The following ATP10D variants were observed in gnomAD, a reference collection of about 807,000 sequenced individuals.
The protein encoded by ATP10D is phospholipid-transporting ATPase VD.
In ATP10D, 89 loss-of-function variants were observed where a neutral mutation model predicts 144.8. The observed-to-expected ratio is 0.61, with a 90% CI of 0.52 to 0.73. ATP10D has a LOEUF of 0.73. Ranked by LOEUF, ATP10D falls within the 30% of genes least tolerant of loss-of-function variation. The pLI, the probability that ATP10D is intolerant of heterozygous loss-of-function variation, is 0.00. For synonymous variants in ATP10D, 571 were observed against 615.1 expected (o/e 0.93, Z 1.06); for missense variants, 1,603 against 1,714.8 (o/e 0.93, Z 1.15).
In ATP10D at chr4:47,546,725, A is replaced by G. The variant is rs1300826153; in HGVS notation, c.1498A>G (p.Ser500Gly). 5 of 1,614,042 alleles carry G rather than the reference A, an allele frequency of 3.1e-6. No individual in the cohort carries two copies. The highest frequency in any genetic ancestry group is 4.2e-6 in the Non-Finnish European group (5 of 1,180,008). ...CAATATGGCAAAACCGAGAGCCCCC[A>G]GCTGCAGGACAGTTCATAATGGGCC... ...LSNMAKPRAPSCRTVHNGPLG... is the reference protein window; with the variant it reads ...LSNMAKPRAPGCRTVHNGPLG... Residue 500 changes from serine (S) to glycine (G), a missense_variant, in exon 10 of 23, where the codon AGC (serine) becomes GGC (glycine). By Grantham distance (56) the Ser-to-Gly change is moderately conservative (BLOSUM62 0). Transcript: ENST00000273859.
chr4:47,542,981 C>T (rs1718231938), intron 9 of ATP10D, among the ~76,000 whole-genome samples: 1 of 152,004 alleles, frequency 6.6e-6, no homozygotes, highest in South Asian at 2.1e-4. Flanking sequence ...TAAATATAGC[C>T]TCCATGTTTA....
At chr4:47,590,008 T>C (rs1191177380) in intron 22 of ATP10D, among the ~76,000 whole-genome samples, 1 of 152,088 alleles carries the variant, frequency 6.6e-6, no homozygotes, top group African/African-American at 2.4e-5. Context: ...AATACATATA[T>C]CATCATACAC....
chr4:47,573,633 T>C (rs767600041), intron 18 of ATP10D, among the ~76,000 whole-genome samples: 6 of 152,224 alleles, frequency 3.9e-5, no homozygotes, highest in Non-Finnish European at 7.4e-5. Flanking sequence ...CAATTTCAGT[T>C]TCCTTTTTTT....
At chr4:47,528,450 T>A (rs918273497) in intron 5 of ATP10D, among the ~76,000 whole-genome samples, 1 of 147,690 alleles carries the variant, frequency 6.8e-6, no homozygotes, top group African/African-American at 2.5e-5. Context: ...AGCTGAATAG[T>A]AGTCCATGGT....
intron 10 of ATP10D, among the ~76,000 whole-genome samples, chr4:47,549,499 T>C (rs980588560): frequency 6.6e-6 from 1 of 152,220 alleles, no homozygotes; most frequent in Non-Finnish European, 1.5e-5. Context: ...CCTGGCACCA[T>C]AGATTAGCAA....
chr4:47,530,487 C>T lies in ATP10D; in HGVS notation c.776+4845C>T, dbSNP rs555795390. Among the ~76,000 whole-genome samples, 3 of 152,242 alleles carry T rather than the reference C, an allele frequency of 2.0e-5. No homozygotes were observed. In the South Asian group the frequency reaches 6.2e-4, roughly 32 times the overall value. On this transcript the variant is annotated intron_variant, in intron 5 of 22. Coordinates refer to ENST00000273859, the MANE Select transcript of ATP10D (RefSeq NM_020453.4). ...GTTTGTTTGTTTTTCGAGACAGTCT[C>T]ACTCTATTTCCCAGGCTAGAGCAGA...
At chr4:47,490,198 T>A (rs958537941) in intron 1 of ATP10D, among the ~76,000 whole-genome samples, 3 of 152,226 alleles carry the variant, frequency 2.0e-5, no homozygotes, top group Non-Finnish European at 4.4e-5. Context: ...TTAGTTAACA[T>A]TTTAAATTAT....
At position 47,587,089 on chromosome 4, in the gene ATP10D, C is replaced by A; in HGVS notation, c.3824C>A (p.Ala1275Asp). The A allele has an allele frequency of 6.2e-7, 1 of 1,613,978 alleles. No homozygotes were observed. ...SYFLFAIVFG[A>D]MCVTCNPPSN... ...TTTTTATTTGCCATAGTTTTTGGAGCCATGTGTGTAACTTGCAACCCACCA... is the reference window on the plus strand; with the variant it reads ...TTTTTATTTGCCATAGTTTTTGGAGACATGTGTGTAACTTGCAACCCACCA... Residue 1275 changes from alanine to aspartate, a missense_variant, in exon 22 of 23, where the codon GCC (alanine) becomes GAC (aspartate). Physicochemically the swap from Ala to Asp is moderately radical, Grantham distance 126. Coordinates refer to ENST00000273859, the MANE Select transcript of ATP10D (RefSeq NM_020453.4).
chr4:47,588,016 T>C (rs1473730503), intron 22 of ATP10D, among the ~76,000 whole-genome samples: 1 of 152,166 alleles, frequency 6.6e-6, no homozygotes, highest in African/African-American at 2.4e-5. Flanking sequence ...CCTACATATG[T>C]ACATTGTAAC....
At chr4:47,583,143 A>G (rs1278863351) in intron 21 of ATP10D, 1 of 152,256 alleles carries the variant, frequency 6.6e-6, no homozygotes, top group Non-Finnish European at 1.5e-5. Flanking sequence ...CCTTGTCTCT[A>G]AAAACAAAAA....
intron 14 of ATP10D, among the ~76,000 whole-genome samples, chr4:47,562,998 TATA>T (rs2109453687): frequency 1.3e-5 from 2 of 152,228 alleles, no homozygotes; most frequent in South Asian, 4.2e-4. Context: ...CGTTCTCACT[TATA>T]AGTGAGAGCT....
Sources: gnomAD v4.1 joint callset for allele counts (sites outside exome capture counted in the v4.1 genomes callset) on GRCh38, gnomAD v4.1.1 for gene constraint, MANE v1.5 for transcripts, NCBI Gene and HGNC (gene_info 2026-07-23, HGNC 2026-07-21) for gene names.